The following KIF13A variants were observed in gnomAD, a reference collection of about 807,000 sequenced individuals.
KIF13A encodes the protein kinesin family member 13A.
A neutral mutation model predicts 212.2 loss-of-function variants in KIF13A; 79 were observed. The observed-to-expected ratio is 0.37, with a 90% CI of 0.31 to 0.45. KIF13A has a LOEUF of 0.45. Among genes scored for constraint, KIF13A ranks in the 20% least tolerant of loss-of-function variants. The pLI is 1.00. For synonymous variants in KIF13A, 789 were observed against 808.6 expected (o/e 0.98, Z 0.41); for missense variants, 1,901 against 2,209.0 (o/e 0.86, Z 2.79).
intron 38 of KIF13A, among the ~76,000 whole-genome samples, chr6:17,767,402 C>T (rs534221439): frequency 6.6e-6 from 1 of 151,968 alleles, no homozygotes; most frequent in South Asian, 2.1e-4. Flanking sequence ...TTACAGGTGT[C>T]CGCCACCATG....
rs565612629 is a variant in KIF13A, at chr6:17,816,727, A to G, written c.2000+293T>C. ...AAAATGCTTTTGTGTTAAAGAAATTATTCAAACTTTCTAAATTTCAATACA... is the reference window on the plus strand; with the variant it reads ...AAAATGCTTTTGTGTTAAAGAAATTGTTCAAACTTTCTAAATTTCAATACA... On this transcript the variant is annotated intron_variant, in intron 17 of 38. Coordinates refer to ENST00000259711, the MANE Select transcript of KIF13A (RefSeq NM_022113.6). The surrounding 1 kb of genome is among the most constrained non-coding windows in gnomAD (Gnocchi z 4.3). Among the ~76,000 whole-genome samples, 8 of 152,350 alleles carry G rather than the reference A, an allele frequency of 5.3e-5. No homozygotes were observed. In the South Asian group the frequency reaches 1.7e-3, roughly 32 times the overall value.
chr6:17,766,677 C>T (rs1442069920), intron 38 of KIF13A, among the ~76,000 whole-genome samples: 1 of 152,140 alleles, frequency 6.6e-6, no homozygotes, highest in Non-Finnish European at 1.5e-5. Context: ...ATCTCTGCCT[C>T]CTGAGTAGCT....
In KIF13A at chr6:17,987,156, G is replaced by A; in HGVS notation, c.56-12C>T. ...GTTCAGTTCCAGTTCTGAAAGCAGA[G>A]AGAAAGGGACGTTGCAAAGTCCAGC... On this transcript the variant is annotated splice_polypyrimidine_tract_variant and intron_variant, in intron 1 of 38. Transcript: ENST00000259711. The surrounding 1 kb of genome is among the most constrained non-coding windows in gnomAD (Gnocchi z 7.7). The A allele has an allele frequency of 6.2e-7, 1 of 1,604,348 alleles. No individual in the cohort carries two copies. Among genetic ancestry groups the A allele is most frequent in the South Asian group, 1.1e-5 (1 of 90,470 alleles).
intron 2 of KIF13A, among the ~76,000 whole-genome samples, chr6:17,983,674 G>C (rs1044911870): frequency 6.6e-6 from 1 of 152,074 alleles, no homozygotes; most frequent in African/African-American, 2.4e-5. Context: ...TTTTAGGAGA[G>C]ACAGGGTTTC....
intron 4 of KIF13A, among the ~76,000 whole-genome samples, chr6:17,863,075 C>T (rs375705436): frequency 1.7e-4 from 26 of 152,308 alleles, no homozygotes; most frequent in Middle Eastern, 6.8e-3. Context: ...CCAGCCTGAA[C>T]GACAGAGCAA....
At chr6:17,969,186 T>C (rs1213424213) in intron 2 of KIF13A, among the ~76,000 whole-genome samples, 5 of 152,182 alleles carry the variant, frequency 3.3e-5, no homozygotes, top group Non-Finnish European at 4.4e-5. Context: ...CTCAAGGAGT[T>C]TGCAGTCTAG....
chr6:17,986,417 T>C (rs1273926123), intron 2 of KIF13A, among the ~76,000 whole-genome samples: 4 of 152,204 alleles, frequency 2.6e-5, no homozygotes, highest in Non-Finnish European at 5.9e-5. Flanking sequence ...ATACAGCCCC[T>C]TTTTAAACAT....
At chr6:17,952,252 C>A (rs1220352065) in intron 2 of KIF13A, among the ~76,000 whole-genome samples, 4 of 149,526 alleles carry the variant, frequency 2.7e-5, no homozygotes, top group Admixed American at 6.7e-5. Context: ...TGCCATGAGC[C>A]GAGATAGCGC....
Position 17,764,380 on chromosome 6 carries a change from GA to G in KIF13A, c.5147del (p.Phe1716SerfsTer6). 6.2e-7 allele frequency: 1 copy of G among 1,613,992 alleles called. No homozygotes were observed. The highest frequency in any genetic ancestry group is 8.5e-7 in the Non-Finnish European group (1 of 1,179,890). On this transcript the variant is annotated frameshift_variant, in exon 39 of 39. Coordinates refer to ENST00000259711, the MANE Select transcript of KIF13A (RefSeq NM_022113.6). LOFTEE classifies it low-confidence loss of function (END_TRUNC). This position sits in a 1 kb window ranked among gnomAD's most constrained non-coding sequence, Gnocchi z 5.1. ...PSKISQPARGFCPREVTVEHT... is the reference protein window; with the variant it reads ...PSKISQPARGXCPREVTVEHT... Reference sequence around the variant, plus strand: ...GTTCTACCGTCACCTCCCTGGGGCAGAATCCCCTGGCTGGCTGGCTAATTTT... The same window carrying G: ...GTTCTACCGTCACCTCCCTGGGGCAGATCCCCTGGCTGGCTGGCTAATTTT...
At position 17,984,501 on chromosome 6, in the gene KIF13A, A is replaced by G. The variant is rs1346043661; in HGVS notation, c.146+2553T>C. On this transcript the variant is annotated intron_variant, in intron 2 of 38. Coordinates refer to ENST00000259711, the MANE Select transcript of KIF13A (RefSeq NM_022113.6). This position sits in a 1 kb window ranked among gnomAD's most constrained non-coding sequence, Gnocchi z 5.0. ...ACAAAACAAACATCTTTAACCTCAG[A>G]GATCCTCTGATCTTTTAGTCCTAGC... is the stretch of plus-strand genomic sequence containing the variant. 1.0e-6 allele frequency: 1 copy of G among 984,670 alleles called. No homozygotes were observed. Among genetic ancestry groups the G allele is most frequent in the Non-Finnish European group, 1.2e-6 (1 of 829,434 alleles). 61.0% of individuals were successfully genotyped at this position (984,670 alleles called of 1,614,324 possible).
At chr6:17,862,923 A>G (rs1198232488) in intron 4 of KIF13A, among the ~76,000 whole-genome samples, 2 of 152,110 alleles carry the variant, frequency 1.3e-5, no homozygotes, top group Non-Finnish European at 1.5e-5. Context: ...ACTCCAGCTC[A>G]GGCGACAGAG....
chr6:17,775,793 C>T (rs1018815500), intron 34 of KIF13A, among the ~76,000 whole-genome samples: 8 of 152,130 alleles, frequency 5.3e-5, no homozygotes, highest in South Asian at 2.1e-4. Flanking sequence ...CTCAAGCAAT[C>T]CTCTCGCCTT....
At chr6:17,781,350 T>C in intron 29 of KIF13A, 49 bp from the exon 30 acceptor site, 1 of 1,502,376 alleles carries the variant, frequency 6.7e-7, no homozygotes, top group Non-Finnish European at 8.9e-7. Context: ...AGTCAGTTTT[T>C]AAGCAAACAC....
At position 17,838,666 on chromosome 6, in the gene KIF13A, C is replaced by A. The variant is rs115470569; in HGVS notation, c.831-1083G>T. ...TTAAAATAAAAATATATAAAAGAAA[C>A]AAGTCAGACACAGAAAAACAAATAT... On this transcript the variant is annotated intron_variant, in intron 9 of 38. Coordinates refer to ENST00000259711, the MANE Select transcript of KIF13A (RefSeq NM_022113.6). This position sits in a 1 kb window ranked among gnomAD's most constrained non-coding sequence, Gnocchi z 4.2. Among the ~76,000 whole-genome samples, 572 of 152,106 alleles carry A rather than the reference C, an allele frequency of 3.8e-3. 5 individuals are homozygous for A. Among genetic ancestry groups the A allele is most frequent in the African/African-American group, 0.013 (540 of 41,498 alleles).
At chr6:17,765,896 C>G (rs1758905985) in intron 38 of KIF13A, among the ~76,000 whole-genome samples, 1 of 152,238 alleles carries the variant, frequency 6.6e-6, no homozygotes, top group African/African-American at 2.4e-5. Context: ...CAAATACACA[C>G]TGAACATCCA....
At chr6:17,935,855 T>C (rs1026511021) in intron 2 of KIF13A, among the ~76,000 whole-genome samples, 2 of 152,218 alleles carry the variant, frequency 1.3e-5, no homozygotes, top group Non-Finnish European at 2.9e-5. Flanking sequence ...ACCAGATTCT[T>C]GAGTTAAGAT....
intron 16 of KIF13A, among the ~76,000 whole-genome samples, chr6:17,818,003 G>A (rs958302936): frequency 5.1e-4 from 77 of 151,872 alleles, no homozygotes; most frequent in African/African-American, 1.8e-3. Context: ...ACTTGGTAAT[G>A]ACCAATAAGC....
chr6:17,809,274 G>A lies in KIF13A; in HGVS notation c.2001-344C>T, dbSNP rs760180678. On this transcript the variant is annotated intron_variant, in intron 17 of 38. Transcript: ENST00000259711. This position sits in a 1 kb window ranked among gnomAD's most constrained non-coding sequence, Gnocchi z 4.7. Reference sequence around the variant, plus strand: ...CGACTTGTGTGTGCTGAGGGAGGGTGGTGGGGCAGGGAGGGGTTGGCAGAT... The same window carrying A: ...CGACTTGTGTGTGCTGAGGGAGGGTAGTGGGGCAGGGAGGGGTTGGCAGAT... Among the ~76,000 whole-genome samples the A allele has an allele frequency of 6.6e-6, 1 of 152,294 alleles. No homozygotes were observed. The highest frequency in any genetic ancestry group is 1.9e-4 in the East Asian group (1 of 5,182).
intron 2 of KIF13A, among the ~76,000 whole-genome samples, chr6:17,974,452 C>T (rs775963885): frequency 7.2e-5 from 11 of 152,166 alleles, no homozygotes; most frequent in African/African-American, 1.4e-4. Context: ...CAACCATGTG[C>T]GTTAAGTCTT....
Sources: gnomAD v4.1 joint callset for allele counts (sites outside exome capture counted in the v4.1 genomes callset) on GRCh38, gnomAD v4.1.1 for gene constraint, Gnocchi (gnomAD v3.1) non-coding constraint, MANE v1.5 for transcripts, NCBI Gene and HGNC (gene_info 2026-07-23, HGNC 2026-07-21) for gene names.